Variants in ADAMTSL1 observed in about 807,000 individuals in gnomAD.
ADAMTSL1 encodes ADAMTS like 1.
In ADAMTSL1, 126 loss-of-function variants were observed where a neutral mutation model predicts 201.8. The ratio of observed to expected loss-of-function variants is 0.62; its 90% CI spans 0.54 to 0.72. The LOEUF (loss-of-function observed/expected upper bound fraction) is 0.72. ADAMTSL1 is among the 30% of genes least tolerant of loss of function. The pLI, the probability that ADAMTSL1 is intolerant of heterozygous loss-of-function variation, is 0.00. For synonymous variants in ADAMTSL1, 1,121 were observed against 903.4 expected (o/e 1.24, Z -4.32); for missense variants, 2,679 against 2,277.8 (o/e 1.18, Z -3.59).
intron 2 of ADAMTSL1, among the ~76,000 whole-genome samples, chr9:18,309,079 A>G (rs1834018037): frequency 6.6e-6 from 1 of 152,220 alleles, no homozygotes; most frequent in South Asian, 2.1e-4. Flanking sequence ...AACCAATGAC[A>G]AAAACCACAT....
intron 1 of ADAMTSL1, among the ~76,000 whole-genome samples, chr9:18,102,656 G>A (rs549184353): frequency 2.2e-4 from 33 of 152,312 alleles, no homozygotes; most frequent in Middle Eastern, 3.4e-3. Context: ...GCTGGTTTGT[G>A]CAAAGGTACC....
intron 1 of ADAMTSL1, among the ~76,000 whole-genome samples, chr9:18,012,092 G>A (rs768313769): frequency 2.6e-5 from 4 of 152,012 alleles, no homozygotes; most frequent in Non-Finnish European, 5.9e-5. Context: ...AAAGGTCCAG[G>A]GGTTGCAGGT....
intron 1 of ADAMTSL1, among the ~76,000 whole-genome samples, chr9:17,948,058 T>C (rs1001834541): frequency 4.6e-5 from 7 of 152,172 alleles, no homozygotes; most frequent in African/African-American, 1.7e-4. Flanking sequence ...TCTGTTTATG[T>C]TACATGCTCA....
chr9:18,531,944 G>C (rs1317685519), intron 2 of ADAMTSL1, among the ~76,000 whole-genome samples: 1 of 152,050 alleles, frequency 6.6e-6, no homozygotes, highest in East Asian at 1.9e-4. Context: ...CTAAGCTTCG[G>C]TTTTGTCATC....
intron 2 of ADAMTSL1, among the ~76,000 whole-genome samples, chr9:18,181,590 C>T (rs2132179911): frequency 6.6e-6 from 1 of 152,228 alleles, no homozygotes; most frequent in East Asian, 1.9e-4. Context: ...CAATGAGATA[C>T]CATCTCACAC....
chr9:18,890,471 T>A (rs1829176803), intron 25 of ADAMTSL1: 1 of 455,816 alleles, frequency 2.2e-6, no homozygotes, highest in Non-Finnish European at 4.4e-6. Flanking sequence ...TGGGGGGATG[T>A]GGCTCAGCTC....
At chr9:18,726,205 T>C (rs967653543) in intron 15 of ADAMTSL1, among the ~76,000 whole-genome samples, 1 of 152,184 alleles carries the variant, frequency 6.6e-6, no homozygotes, top group Non-Finnish European at 1.5e-5. Context: ...ACTAAAGTCT[T>C]AATACTTAAG....
chr9:18,022,643 A>C (rs767885889), intron 1 of ADAMTSL1, among the ~76,000 whole-genome samples: 6 of 152,178 alleles, frequency 3.9e-5, no homozygotes, highest in Non-Finnish European at 2.9e-5. Flanking sequence ...AGTATATTAT[A>C]TGGAAACAGT....
intron 19 of ADAMTSL1, 24 bp downstream of exon 19, chr9:18,777,930 C>A: frequency 1.3e-6 from 2 of 1,518,476 alleles, no homozygotes; most frequent in South Asian, 2.6e-5. Context: ...CTAACCTGGT[C>A]TTGGGAGGGA....
intron 2 of ADAMTSL1, among the ~76,000 whole-genome samples, chr9:18,281,804 A>C (rs1832800497): frequency 6.6e-6 from 1 of 152,154 alleles, no homozygotes; most frequent in Non-Finnish European, 1.5e-5. Flanking sequence ...TCCTGGCCTC[A>C]AGTGATCCTC....
intron 23 of ADAMTSL1, among the ~76,000 whole-genome samples, chr9:18,845,888 T>C (rs1044533062): frequency 3.3e-5 from 5 of 152,216 alleles, no homozygotes; most frequent in Non-Finnish European, 5.9e-5. Context: ...TGTTCACATG[T>C]AACCCTCTCA....
chr9:18,425,823 T>G (rs1587162699), intron 2 of ADAMTSL1, among the ~76,000 whole-genome samples: 1 of 125,332 alleles, frequency 8.0e-6, no homozygotes, highest in Admixed American at 1.0e-4. Flanking sequence ...CCCACTGCAC[T>G]CCAGCTTGGG....
At chr9:18,455,349 C>T (rs976563258) in intron 2 of ADAMTSL1, among the ~76,000 whole-genome samples, 1 of 152,116 alleles carries the variant, frequency 6.6e-6, no homozygotes, top group African/African-American at 2.4e-5. Context: ...CAAACAAAAA[C>T]CATATGTTTT....
chr9:18,242,112 T>A (rs1182109569), intron 2 of ADAMTSL1, among the ~76,000 whole-genome samples: 1 of 152,062 alleles, frequency 6.6e-6, no homozygotes, highest in Non-Finnish European at 1.5e-5. Context: ...AAATCCTCTA[T>A]AAAATATTAG....
At chr9:18,551,465 T>A (rs1343937877) in intron 3 of ADAMTSL1, among the ~76,000 whole-genome samples, 1 of 151,868 alleles carries the variant, frequency 6.6e-6, no homozygotes, top group Non-Finnish European at 1.5e-5. Flanking sequence ...AGATTGTCTA[T>A]TCCTTTCATG....
At chr9:18,642,767 CT>C (rs1827533527) in intron 7 of ADAMTSL1, among the ~76,000 whole-genome samples, 1 of 151,924 alleles carries the variant, frequency 6.6e-6, no homozygotes, top group Admixed American at 6.6e-5. Context: ...GGATTTTCTT[CT>C]TTTTTCAAAG....
intron 3 of ADAMTSL1, among the ~76,000 whole-genome samples, chr9:18,570,263 C>T (rs1822213375): frequency 6.6e-6 from 1 of 151,242 alleles, no homozygotes; most frequent in Non-Finnish European, 1.5e-5. Context: ...ACAAAAGGAT[C>T]AGGAAGTATA....
intron 4 of ADAMTSL1, among the ~76,000 whole-genome samples, chr9:18,597,747 C>G (rs1564078582): frequency 6.6e-6 from 1 of 152,034 alleles, no homozygotes; most frequent in Non-Finnish European, 1.5e-5. Flanking sequence ...GTTGTAGCTA[C>G]TTTAATTGTA....
chr9:18,233,536 C>A (rs945293610), intron 2 of ADAMTSL1, among the ~76,000 whole-genome samples: 1 of 152,080 alleles, frequency 6.6e-6, no homozygotes, highest in Non-Finnish European at 1.5e-5. Context: ...GTTATCTAGG[C>A]ACTGAGGTCG....
Sources: allele counts gnomAD v4.1 joint callset (sites outside exome capture counted in the v4.1 genomes callset), GRCh38; gene constraint gnomAD v4.1.1; transcripts MANE v1.5; gene names NCBI Gene and HGNC (gene_info 2026-07-23, HGNC 2026-07-21).